The following SAMD5 variants were observed in gnomAD, a reference collection of about 807,000 sequenced individuals.
SAMD5 encodes sterile alpha motif domain containing 5, also known as sterile alpha motif domain-containing protein 5.
SAMD5 carries 13 observed loss-of-function variants against 11.3 expected under a neutral mutation model. The observed-to-expected ratio is 1.15, with a 90% confidence interval of 0.75 to 1.83. The LOEUF (loss-of-function observed/expected upper bound fraction) is 1.83, where lower values mean the gene tolerates loss of function less well. SAMD5 is among the 40% of genes most tolerant of loss of function. SAMD5 has a pLI of 0.00. For missense variants in SAMD5, 255 were observed against 239.1 expected (o/e 1.07, Z -0.44); for synonymous variants, 129 against 111.3 (o/e 1.16, Z -1.00).
chr6:147,795,960 A>G, the SAMD5 span, among the ~76,000 whole-genome samples: 2 of 147,596 alleles, frequency 1.4e-5, no homozygotes, highest in Non-Finnish European at 3.0e-5. Context: ...TAGATTCTGG[A>G]TATTAGCCCT....
the SAMD5 span, among the ~76,000 whole-genome samples, chr6:147,776,645 C>A: frequency 6.6e-6 from 1 of 152,174 alleles, no homozygotes; most frequent in Non-Finnish European, 1.5e-5. Flanking sequence ...TTCTCCCCTA[C>A]CATCTTAAAG....
intron 1 of SAMD5, among the ~76,000 whole-genome samples, chr6:147,563,300 A>G (rs1202804732): frequency 6.6e-6 from 1 of 152,190 alleles, no homozygotes; most frequent in East Asian, 1.9e-4. Context: ...AAATGTACAG[A>G]ATTCTTCTTT....
intron 1 of SAMD5, among the ~76,000 whole-genome samples, chr6:147,577,873 T>C (rs1789241464): frequency 6.6e-6 from 1 of 152,082 alleles, no homozygotes; most frequent in Non-Finnish European, 1.5e-5. Flanking sequence ...ATCTAGTGTA[T>C]AGTATTTCCA....
the SAMD5 span, among the ~76,000 whole-genome samples, chr6:147,939,708 G>C: frequency 6.6e-6 from 1 of 152,270 alleles, no homozygotes; most frequent in East Asian, 1.9e-4. Flanking sequence ...CAAGCAATCG[G>C]TAGTTCCATT....
chr6:147,912,334 A>T, the SAMD5 span, among the ~76,000 whole-genome samples: 1 of 152,186 alleles, frequency 6.6e-6, no homozygotes, highest in African/African-American at 2.4e-5. Context: ...GAATCATTTA[A>T]AATTGGAAGA....
chr6:147,725,645 T>G (rs1791615909), intron 1 of SAMD5, among the ~76,000 whole-genome samples: 1 of 152,182 alleles, frequency 6.6e-6, no homozygotes, highest in Admixed American at 6.5e-5. Context: ...CGCCTTGGCC[T>G]CCCAAAGTTC....
chr6:147,848,177 A>C, the SAMD5 span, among the ~76,000 whole-genome samples: 1 of 152,210 alleles, frequency 6.6e-6, no homozygotes, highest in Non-Finnish European at 1.5e-5. Context: ...AAGAGCATTT[A>C]CACGATAAAA....
At chr6:147,704,175 G>A (rs149538014) in intron 1 of SAMD5, among the ~76,000 whole-genome samples, 5,777 of 152,222 alleles carry the variant, frequency 0.038, 157 homozygotes, top group Non-Finnish European at 0.057. Context: ...GATTACAGGC[G>A]TGAGCCACTG....
the SAMD5 span, among the ~76,000 whole-genome samples, chr6:147,948,784 G>T: frequency 3.3e-5 from 5 of 152,036 alleles, no homozygotes; most frequent in South Asian, 1.0e-3. Context: ...AGCTTAAAAT[G>T]TTTTACTTGT....
intron 1 of SAMD5, among the ~76,000 whole-genome samples, chr6:147,683,550 C>T (rs1193416134): frequency 1.3e-5 from 2 of 152,102 alleles, no homozygotes; most frequent in South Asian, 4.1e-4. Flanking sequence ...TCTTCCTCCC[C>T]TTTTTCTTCA....
the SAMD5 span, among the ~76,000 whole-genome samples, chr6:147,870,431 G>GGT: frequency 1.4e-4 from 20 of 138,366 alleles, no homozygotes; most frequent in East Asian, 6.3e-4. Flanking sequence ...CATCCCCTTT[G>GGT]GTGTGTGTGT....
the SAMD5 span, among the ~76,000 whole-genome samples, chr6:147,878,222 G>C: frequency 3.3e-5 from 5 of 152,010 alleles, no homozygotes; most frequent in Non-Finnish European, 5.9e-5. Context: ...GGCAGGTTCA[G>C]TACCTGGTGA....
At chr6:147,602,492 C>T (rs1469694218) in intron 1 of SAMD5, among the ~76,000 whole-genome samples, 1 of 152,142 alleles carries the variant, frequency 6.6e-6, no homozygotes, top group Non-Finnish European at 1.5e-5. Flanking sequence ...GCCTGTAATC[C>T]CAGCACTTTG....
the SAMD5 span, among the ~76,000 whole-genome samples, chr6:147,915,537 C>G: frequency 6.6e-6 from 1 of 152,168 alleles, no homozygotes; most frequent in Non-Finnish European, 1.5e-5. Context: ...ACAAGAATAT[C>G]ACCTTTCTTG....
chr6:147,520,752 TAA>T (rs1405087310), intron 1 of SAMD5, among the ~76,000 whole-genome samples: 1 of 152,126 alleles, frequency 6.6e-6, no homozygotes, highest in Non-Finnish European at 1.5e-5. Flanking sequence ...AATTGACAAA[TAA>T]AAAGTGTATA....
intron 1 of SAMD5, among the ~76,000 whole-genome samples, chr6:147,585,859 A>G (rs1384736188): frequency 6.6e-6 from 1 of 152,198 alleles, no homozygotes; most frequent in Non-Finnish European, 1.5e-5. Context: ...CGTGAAGGCT[A>G]AAAACAGCTG....
chr6:147,641,494 T>G (rs1012601356), intron 1 of SAMD5, among the ~76,000 whole-genome samples: 13 of 152,164 alleles, frequency 8.5e-5, no homozygotes, highest in Non-Finnish European at 1.2e-4. Context: ...CGCAGACATT[T>G]TGCATGTCAG....
chr6:147,749,844 G>A, the SAMD5 span, among the ~76,000 whole-genome samples: 19 of 152,118 alleles, frequency 1.2e-4, no homozygotes, highest in South Asian at 8.3e-4. Flanking sequence ...GTGTATATGC[G>A]CATGCGAGTG....
chr6:147,704,376 A>C (rs1791297222), intron 1 of SAMD5, among the ~76,000 whole-genome samples: 1 of 152,078 alleles, frequency 6.6e-6, no homozygotes, highest in African/African-American at 2.4e-5. Flanking sequence ...ATTAGGCACA[A>C]CTCTATTAAA....
Sources: allele counts gnomAD v4.1 joint callset (sites outside exome capture counted in the v4.1 genomes callset), GRCh38; gene constraint gnomAD v4.1.1; transcripts MANE v1.5; gene names NCBI Gene and HGNC (gene_info 2026-07-23, HGNC 2026-07-21).